Variants in EVI5 observed in about 807,000 individuals in gnomAD.
EVI5 encodes the protein ecotropic viral integration site 5 protein homolog.
A neutral mutation model predicts 112.0 loss-of-function variants in EVI5; 73 were observed. The observed-to-expected ratio is 0.65, with a 90% CI of 0.54 to 0.79. The LOEUF (loss-of-function observed/expected upper bound fraction) is 0.79. EVI5 is among the 30% of genes least tolerant of loss of function. The pLI, the probability that EVI5 is intolerant of heterozygous loss-of-function variation, is 0.00. For missense variants in EVI5, 900 were observed against 968.8 expected (o/e 0.93, Z 0.94); for synonymous variants, 305 against 319.9 (o/e 0.95, Z 0.50).
At chr1:92,785,140 C>T (rs1031911865), upstream of EVI5, 5 of 983,852 alleles carry the variant, frequency 5.1e-6, no homozygotes, top group South Asian at 1.4e-4. Context: ...CTTAAAGAGA[C>T]CCGGCAGCCT....
At chr1:92,780,061 C>T (rs1684666713) in intron 1 of EVI5, among the ~76,000 whole-genome samples, 1 of 152,170 alleles carries the variant, frequency 6.6e-6, no homozygotes. Context: ...AGGGCAGGAC[C>T]AGGTGGAGAT....
In EVI5 at chr1:92,665,226, A is replaced by G. The variant is rs145484726; in HGVS notation, c.1212+713T>C. Among the ~76,000 whole-genome samples the G allele has an allele frequency of 6.7e-3, 1,018 of 152,216 alleles. 11 individuals are homozygous for G. The highest frequency in any genetic ancestry group is 0.023 in the African/African-American group (936 of 41,540). On this transcript the variant is annotated intron_variant, in intron 11 of 19. Coordinates refer to ENST00000684568, the MANE Select transcript of EVI5 (RefSeq NM_001350197.2). ...TCTCAAAAAAATAAAAAAGAAAAAG[A>G]AAAAAGCACCAAAAGAGTTTGTGAA... is the stretch of plus-strand genomic sequence containing the variant.
upstream of EVI5, among the ~76,000 whole-genome samples, chr1:92,789,513 A>G (rs1024061448): frequency 1.3e-5 from 2 of 152,162 alleles, no homozygotes; most frequent in Non-Finnish European, 2.9e-5. Context: ...CATGTTAGCC[A>G]GGACGGTCTC....
At chr1:92,561,038 A>G (rs921114162) in intron 19 of EVI5, among the ~76,000 whole-genome samples, 2 of 152,160 alleles carry the variant, frequency 1.3e-5, no homozygotes, top group African/African-American at 2.4e-5. Context: ...TGGCTCTTCT[A>G]GCTAATTGGT....
intron 18 of EVI5, among the ~76,000 whole-genome samples, chr1:92,584,183 GCTCT>G (rs147853811): frequency 0.013 from 1,947 of 152,120 alleles, 45 homozygotes; most frequent in African/African-American, 0.043. Context: ...ATATTCAAGT[GCTCT>G]CTCTTTCGTA....
chr1:92,634,647 G>C (rs1658324252), intron 14 of EVI5, among the ~76,000 whole-genome samples: 1 of 152,136 alleles, frequency 6.6e-6, no homozygotes, highest in Admixed American at 6.6e-5. Context: ...GCTCGGAGTA[G>C]TTTGGTCGTC....
At position 92,512,466 on chromosome 1, in the gene EVI5, G is replaced by A. The variant is rs200031724; in HGVS notation, c.*1190C>T. 1 of 152,182 alleles carries A rather than the reference G, an allele frequency of 6.6e-6. No homozygotes were observed. The highest frequency in any genetic ancestry group is 1.5e-5 in the Non-Finnish European group (1 of 68,020). 9.4% of individuals were successfully genotyped at this position (152,182 alleles called of 1,614,324 possible). On this transcript the variant is annotated 3_prime_UTR_variant, in exon 20 of 20. Coordinates refer to ENST00000684568, the MANE Select transcript of EVI5 (RefSeq NM_001350197.2). ...ATTGAATGCTAAGCAAAATACTAAA[G>A]CTCTTAAAACATTAGTGTTTTATTT...
intron 14 of EVI5, among the ~76,000 whole-genome samples, chr1:92,634,029 A>T (rs1308397787): frequency 6.6e-6 from 1 of 152,022 alleles, no homozygotes; most frequent in Non-Finnish European, 1.5e-5. Flanking sequence ...TCTGGCTTGT[A>T]GTTTCTGCTG....
At chr1:92,588,566 A>G (rs945056337) in intron 18 of EVI5, among the ~76,000 whole-genome samples, 1 of 152,114 alleles carries the variant, frequency 6.6e-6, no homozygotes, top group Non-Finnish European at 1.5e-5. Flanking sequence ...TCATTCTCAC[A>G]TTTTTCTCCG....
At chr1:92,551,039 TC>T (rs1316058372) in intron 19 of EVI5, among the ~76,000 whole-genome samples, 17 of 59,536 alleles carry the variant, frequency 2.9e-4, no homozygotes, top group African/African-American at 9.2e-4. Context: ...TTTCTTTCTT[TC>T]TTTTTTTTTT....
At chr1:92,788,096 T>A (rs1197983355), upstream of EVI5, among the ~76,000 whole-genome samples, 2 of 152,158 alleles carry the variant, frequency 1.3e-5, no homozygotes, top group Non-Finnish European at 2.9e-5. Context: ...TTGATAGGGA[T>A]GTGAGTTACA....
At position 92,649,169 on chromosome 1, in the gene EVI5, T is replaced by A. The variant is rs573579825; in HGVS notation, c.1393-12833A>T. Among the ~76,000 whole-genome samples the A allele has an allele frequency of 2.6e-5, 4 of 152,334 alleles. No homozygotes were observed. In the South Asian group the frequency reaches 8.3e-4, roughly 32 times the overall value. ...CATTTGCTTTTTGGCCATCTGCATA[T>A]CTTCTTTGGAGAAAAGTCCACTCAA... On this transcript the variant is annotated intron_variant, in intron 13 of 19. Transcript: ENST00000684568.
At chr1:92,564,432 AG>A (rs1167653223) in intron 18 of EVI5, among the ~76,000 whole-genome samples, 1 of 151,982 alleles carries the variant, frequency 6.6e-6, no homozygotes, top group Non-Finnish European at 1.5e-5. Flanking sequence ...GGAACAGAAA[AG>A]GGGGGAAAAA....
chr1:92,704,519 A>G (rs201615409), intron 3 of EVI5, 36 bp downstream of exon 3: 280 of 1,346,294 alleles, frequency 2.1e-4, no homozygotes, highest in Non-Finnish European at 2.7e-4. Flanking sequence ...CGCACTATGG[A>G]ATAAGAATAA....
chr1:92,718,355 A>C (rs1364055311), intron 2 of EVI5, among the ~76,000 whole-genome samples: 1 of 152,244 alleles, frequency 6.6e-6, no homozygotes, highest in Non-Finnish European at 1.5e-5. Flanking sequence ...CTCAGACAAC[A>C]GTGCAATCAA....
At chr1:92,778,057 C>T (rs541569903) in intron 1 of EVI5, among the ~76,000 whole-genome samples, 3 of 152,060 alleles carry the variant, frequency 2.0e-5, no homozygotes, top group South Asian at 2.1e-4. Context: ...TACAGGCGCA[C>T]GCCACCACGC....
chr1:92,732,241 T>C, intron 2 of EVI5: 1 of 311,040 alleles, frequency 3.2e-6, no homozygotes, highest in African/African-American at 2.2e-5. Context: ...TTATACGTCC[T>C]TACTGTGAGA....
At chr1:92,591,586 A>G (rs1055430714) in intron 18 of EVI5, among the ~76,000 whole-genome samples, 2 of 152,228 alleles carry the variant, frequency 1.3e-5, no homozygotes, top group African/African-American at 4.8e-5. Flanking sequence ...TATGCACCCA[A>G]TACAGGCGCA....
intron 9 of EVI5, among the ~76,000 whole-genome samples, chr1:92,686,890 G>A (rs1169680644): frequency 6.6e-6 from 1 of 152,064 alleles, no homozygotes; most frequent in Non-Finnish European, 1.5e-5. Flanking sequence ...TGAAATAAGA[G>A]GACACAAACA....
Sources: allele counts gnomAD v4.1 joint callset (sites outside exome capture counted in the v4.1 genomes callset), GRCh38; gene constraint gnomAD v4.1.1; transcripts MANE v1.5; gene names NCBI Gene and HGNC (gene_info 2026-07-23, HGNC 2026-07-21).